The following TGM3 variants were observed in gnomAD, a reference collection of about 807,000 sequenced individuals.
TGM3 encodes transglutaminase 3.
Under a neutral mutation model 73.8 loss-of-function variants are expected in TGM3, and 52 were observed. The ratio of observed to expected loss-of-function variants is 0.70; its 90% CI spans 0.56 to 0.89. The LOEUF (loss-of-function observed/expected upper bound fraction) is 0.89. Ranked by LOEUF, TGM3 falls within the 40% of genes least tolerant of loss-of-function variation. TGM3 has a pLI of 0.00. For missense variants in TGM3, 928 were observed against 909.9 expected (o/e 1.02, Z -0.26); for synonymous variants, 372 against 354.9 (o/e 1.05, Z -0.54).
At chr20:2,340,402 G>C in intron 12 of TGM3, 32 bp from the exon 13 acceptor site, 3 of 1,613,260 alleles carry the variant, frequency 1.9e-6, no homozygotes, top group African/African-American at 2.7e-5. Flanking sequence ...CGTGTGTCTC[G>C]TATCAACACT....
chr20:2,338,100 A>T (rs1600711093), intron 11 of TGM3, among the ~76,000 whole-genome samples: 1 of 152,188 alleles, frequency 6.6e-6, no homozygotes, highest in African/African-American at 2.4e-5. Flanking sequence ...GGAGAAGGTG[A>T]TCTGTATGAA....
At position 2,334,229 on chromosome 20, in the gene TGM3, G is replaced by T. The variant is rs1014300106; in HGVS notation, c.1643-887G>T. Among the ~76,000 whole-genome samples, 2 of 152,328 alleles carry T rather than the reference G, an allele frequency of 1.3e-5. No individual in the cohort carries two copies. The highest frequency in any genetic ancestry group is 3.9e-4 in the East Asian group (2 of 5,180). On this transcript the variant is annotated intron_variant, in intron 10 of 12. Transcript: ENST00000381458. The surrounding 1 kb of genome is among the most constrained non-coding windows in gnomAD (Gnocchi z 4.0). Reference sequence around the variant, plus strand: ...TGAGTCAAAATATGGGGGCGAAAAGGTGCCTGTTTTGTCTGCAGAACAAGA... The same window carrying T: ...TGAGTCAAAATATGGGGGCGAAAAGTTGCCTGTTTTGTCTGCAGAACAAGA...
chr20:2,328,781 T>G lies in TGM3; in HGVS notation c.1333+416T>G, dbSNP rs569771227. Among the ~76,000 whole-genome samples the G allele has an allele frequency of 6.6e-6, 1 of 152,352 alleles. No individual in the cohort carries two copies. ...TGAGAAACTCAGGGAGAAAACCATC[T>G]GAACGAAGAAAGGGACAAAGAAACC... On this transcript the variant is annotated intron_variant, in intron 9 of 12. Coordinates refer to ENST00000381458, the MANE Select transcript of TGM3 (RefSeq NM_003245.4). This position sits in a 1 kb window ranked among gnomAD's most constrained non-coding sequence, Gnocchi z 5.2.
chr20:2,335,659 C>A (rs908752563), intron 11 of TGM3, among the ~76,000 whole-genome samples: 22 of 152,230 alleles, frequency 1.4e-4, no homozygotes, highest in African/African-American at 5.3e-4. Context: ...CTGCTGTGTT[C>A]TGGGCCATGC....
At chr20:2,303,157 C>T (rs954620780) in intron 1 of TGM3, among the ~76,000 whole-genome samples, 18 of 151,870 alleles carry the variant, frequency 1.2e-4, no homozygotes, top group African/African-American at 2.7e-4. Flanking sequence ...AAAAATTAGC[C>T]GGGCGTGGTG....
chr20:2,335,683 CACAG>C (rs1212990347), intron 11 of TGM3, among the ~76,000 whole-genome samples: 1 of 152,186 alleles, frequency 6.6e-6, no homozygotes, highest in Non-Finnish European at 1.5e-5. Flanking sequence ...GCTTGAGAAT[CACAG>C]ACAGGCACAG....
At chr20:2,331,855 GA>G in intron 9 of TGM3, 146 bp from the exon 10 acceptor site, 1 of 906,654 alleles carries the variant, frequency 1.1e-6, no homozygotes, top group Admixed American at 2.6e-5. Context: ...TAAGACAGGC[GA>G]GCTGGAGACC....
chr20:2,310,102 G>C, intron 2 of TGM3, 76 bp from the exon 3 acceptor site: 1 of 1,583,040 alleles, frequency 6.3e-7, no homozygotes, highest in Non-Finnish European at 8.6e-7. Context: ...CCCAGAGGGG[G>C]GTTGTATTGG....
At chr20:2,326,221 T>C (rs1049256832) in intron 8 of TGM3, among the ~76,000 whole-genome samples, 3 of 152,274 alleles carry the variant, frequency 2.0e-5, no homozygotes, top group Non-Finnish European at 4.4e-5. Flanking sequence ...AGCCTTCCTC[T>C]GCCAGTAATG....
At chr20:2,326,660 C>A (rs1464511519) in intron 8 of TGM3, among the ~76,000 whole-genome samples, 1 of 152,084 alleles carries the variant, frequency 6.6e-6, no homozygotes. Flanking sequence ...ACCAGCCTGA[C>A]CAACATGGTG....
intron 7 of TGM3, among the ~76,000 whole-genome samples, chr20:2,325,187 C>T (rs1361301476): frequency 6.6e-6 from 1 of 152,026 alleles, no homozygotes; most frequent in Non-Finnish European, 1.5e-5. Flanking sequence ...CTGTAGTTTC[C>T]ATGGGAGTGG....
chr20:2,314,513 G>T (rs1276297672), intron 5 of TGM3, among the ~76,000 whole-genome samples: 1 of 145,254 alleles, frequency 6.9e-6, no homozygotes, highest in Non-Finnish European at 1.5e-5. Context: ...ACAACATAGT[G>T]AGACCTCATC....
At chr20:2,335,621 G>A (rs1371525687) in intron 11 of TGM3, among the ~76,000 whole-genome samples, 1 of 152,058 alleles carries the variant, frequency 6.6e-6, no homozygotes, top group Non-Finnish European at 1.5e-5. Context: ...AGCATTTGCT[G>A]TGTTCTGGGC....
Position 2,296,074 on chromosome 20 carries a change from A to T in TGM3, c.7+4A>T, listed in dbSNP as rs762936434. 4 of 1,550,762 alleles carry T rather than the reference A, an allele frequency of 2.6e-6. No homozygotes were observed. The Admixed American group carries it at 7.8e-5, about 30-fold the overall frequency. On this transcript the variant is annotated splice_donor_region_variant and intron_variant, in intron 1 of 12. Coordinates refer to ENST00000381458, the MANE Select transcript of TGM3 (RefSeq NM_003245.4). ...AGAGGAAGGCGAAACATGGCTGGTG[A>T]GTGCATGGCATCTTCTCCATCAGGT... is the stretch of plus-strand genomic sequence containing the variant.
intron 7 of TGM3, among the ~76,000 whole-genome samples, chr20:2,318,318 C>A (rs1245454865): frequency 1.3e-5 from 2 of 152,134 alleles, no homozygotes; most frequent in African/African-American, 4.8e-5. Context: ...TGCACCCGGC[C>A]AAAATGTTTT....
intron 11 of TGM3, among the ~76,000 whole-genome samples, chr20:2,338,016 A>C (rs1448732779): frequency 6.6e-6 from 1 of 152,186 alleles, no homozygotes; most frequent in Non-Finnish European, 1.5e-5. Flanking sequence ...GCCTTCACCT[A>C]ATCGAGACAT....
intron 11 of TGM3, among the ~76,000 whole-genome samples, chr20:2,336,698 G>C (rs77434271): frequency 6.6e-6 from 1 of 151,840 alleles, no homozygotes; most frequent in African/African-American, 2.4e-5. Flanking sequence ...AGGGGCTAGA[G>C]AGTCAGTGAC....
At chr20:2,340,036 G>GGGGGGGGGGGGGGGGGGC in intron 12 of TGM3, 49 bp downstream of exon 12, 1 of 1,438,894 alleles carries the variant, frequency 6.9e-7, no homozygotes, top group Non-Finnish European at 9.6e-7. Context: ...GAGGGGGCGG[G>GGGGGGGGGGGGGGGGGGC]GGGGCCCTCC....
rs769909501 is a variant in TGM3 at position 2,332,341 on chromosome 20, C to T, written c.1642+31C>T. The T allele has an allele frequency of 1.2e-5, 18 of 1,538,028 alleles. No individual in the cohort carries two copies. The highest frequency in any genetic ancestry group is 2.7e-5 in the African/African-American group (2 of 72,980). On this transcript the variant is annotated intron_variant, in intron 10 of 12. Coordinates refer to ENST00000381458, the MANE Select transcript of TGM3 (RefSeq NM_003245.4). The surrounding 1 kb of genome is among the most constrained non-coding windows in gnomAD (Gnocchi z 4.4). ...GCATCCCGCAGTTGGAGGAGATCCA[C>T]GAATCCGAGGTAGCCAATGGCCTTC...
Sources: gnomAD v4.1 joint callset for allele counts (sites outside exome capture counted in the v4.1 genomes callset) on GRCh38, gnomAD v4.1.1 for gene constraint, Gnocchi (gnomAD v3.1) non-coding constraint, MANE v1.5 for transcripts, NCBI Gene and HGNC (gene_info 2026-07-23, HGNC 2026-07-21) for gene names.